EYS: variants seen among roughly 807,000 people sequenced by gnomAD.
EYS encodes EGF-like photoreceptor maintenance factor, also known as protein eyes shut homolog.
EYS carries 250 observed loss-of-function variants against 282.1 expected under a neutral mutation model. That is an observed-to-expected ratio of 0.89 (90% CI 0.80 to 0.98). EYS has a LOEUF of 0.98. EYS is among the 50% of genes least tolerant of loss of function. EYS has a pLI of 0.00. For missense variants in EYS, 4,016 were observed against 3,709.0 expected (o/e 1.08, Z -2.15); for synonymous variants, 1,355 against 1,282.9 (o/e 1.06, Z -1.20).
At chr6:64,257,186 T>A (rs1767430428) in intron 30 of EYS, among the ~76,000 whole-genome samples, 1 of 152,076 alleles carries the variant, frequency 6.6e-6, no homozygotes, top group African/African-American at 2.4e-5. Flanking sequence ...TTTGGACTAA[T>A]GAAACATTTC....
At chr6:63,729,702 AAGGGTAACT>A (rs1156992748) in intron 41 of EYS, among the ~76,000 whole-genome samples, 2 of 152,244 alleles carry the variant, frequency 1.3e-5, no homozygotes, top group South Asian at 4.1e-4. Flanking sequence ...TCCCTCATTG[AAGGGTAACT>A]AGGCTATTTT....
chr6:63,891,762 G>A (rs1773414763), intron 35 of EYS, among the ~76,000 whole-genome samples: 1 of 152,142 alleles, frequency 6.6e-6, no homozygotes. Context: ...ACGAAATAAA[G>A]GGTATTCAAA....
intron 31 of EYS, among the ~76,000 whole-genome samples, chr6:64,168,003 C>T (rs1764349282): frequency 6.6e-6 from 1 of 152,230 alleles, no homozygotes; most frequent in African/African-American, 2.4e-5. Flanking sequence ...TGGCTCACGC[C>T]TGTAATCGCA....
chr6:64,896,991 G>T (rs2150069002), intron 18 of EYS, among the ~76,000 whole-genome samples: 1 of 152,282 alleles, frequency 6.6e-6, no homozygotes, highest in African/African-American at 2.4e-5. Flanking sequence ...ATCTCCCTGG[G>T]ACAGAGCACC....
At chr6:65,365,747 T>C (rs1296086661) in intron 8 of EYS, among the ~76,000 whole-genome samples, 2 of 151,778 alleles carry the variant, frequency 1.3e-5, no homozygotes, top group African/African-American at 2.4e-5. Flanking sequence ...GACAAGTGAC[T>C]AAAGATTTCA....
At chr6:64,414,415 C>A (rs1277766148) in intron 28 of EYS, among the ~76,000 whole-genome samples, 2 of 152,034 alleles carry the variant, frequency 1.3e-5, no homozygotes, top group South Asian at 4.1e-4. Context: ...ACTTTCCAGG[C>A]AGCCTTGATT....
At chr6:63,814,265 T>C (rs1771122514) in intron 36 of EYS, among the ~76,000 whole-genome samples, 1 of 152,208 alleles carries the variant, frequency 6.6e-6, no homozygotes, top group African/African-American at 2.4e-5. Flanking sequence ...TCCGGAGATA[T>C]CGCCAACAGT....
chr6:65,207,871 C>T (rs946954154), intron 12 of EYS, among the ~76,000 whole-genome samples: 1 of 151,634 alleles, frequency 6.6e-6, no homozygotes, highest in African/African-American at 2.4e-5. Flanking sequence ...TACAAATTAA[C>T]TCAAGATGTA....
chr6:65,516,589 AG>A (rs1311825128), intron 2 of EYS, among the ~76,000 whole-genome samples: 2 of 152,084 alleles, frequency 1.3e-5, no homozygotes, highest in Non-Finnish European at 2.9e-5. Flanking sequence ...TAAAGATGTC[AG>A]GGCAAGAGTT....
At chr6:64,115,160 C>A (rs1441227795) in intron 31 of EYS, among the ~76,000 whole-genome samples, 1 of 152,204 alleles carries the variant, frequency 6.6e-6, no homozygotes, top group Non-Finnish European at 1.5e-5. Context: ...GACCCAGGAA[C>A]AGTGGTTGCT....
chr6:63,939,821 T>A (rs923939707), intron 35 of EYS, among the ~76,000 whole-genome samples: 1 of 152,218 alleles, frequency 6.6e-6, no homozygotes, highest in Non-Finnish European at 1.5e-5. Context: ...TTGAAATTTA[T>A]CAAAAGTTAT....
At chr6:64,430,434 G>A (rs1774539641) in intron 28 of EYS, among the ~76,000 whole-genome samples, 1 of 152,112 alleles carries the variant, frequency 6.6e-6, no homozygotes, top group African/African-American at 2.4e-5. Flanking sequence ...TAAGCATTTT[G>A]ATGAAGTTAT....
intron 12 of EYS, among the ~76,000 whole-genome samples, chr6:65,242,152 G>A (rs1044745890): frequency 6.6e-6 from 1 of 151,738 alleles, no homozygotes; most frequent in Non-Finnish European, 1.5e-5. Context: ...TATAATTCAC[G>A]AACTATACAC....
chr6:65,588,704 G>C (rs899364308), intron 2 of EYS, among the ~76,000 whole-genome samples: 22 of 151,966 alleles, frequency 1.4e-4, no homozygotes, highest in African/African-American at 5.3e-4. Flanking sequence ...GCCTTTCAGA[G>C]AGCTACATTG....
At chr6:65,133,962 C>T (rs1775953291) in intron 12 of EYS, among the ~76,000 whole-genome samples, 1 of 151,918 alleles carries the variant, frequency 6.6e-6, no homozygotes, top group South Asian at 2.1e-4. Context: ...AGTTTGAATA[C>T]ACTTTTCAAA....
intron 5 of EYS, among the ~76,000 whole-genome samples, chr6:65,483,990 C>A (rs1243408893): frequency 1.3e-5 from 2 of 152,072 alleles, no homozygotes; most frequent in Non-Finnish European, 2.9e-5. Context: ...CGGCTCCCTC[C>A]CACAACACGT....
chr6:64,175,497 T>G (rs1413884710), intron 31 of EYS, among the ~76,000 whole-genome samples: 1 of 152,190 alleles, frequency 6.6e-6, no homozygotes, highest in Non-Finnish European at 1.5e-5. Flanking sequence ...CGTGAGAGCG[T>G]ACGTAAATTA....
chr6:65,588,613 CT>C (rs1765132805), intron 2 of EYS, among the ~76,000 whole-genome samples: 1 of 151,922 alleles, frequency 6.6e-6, no homozygotes, highest in Non-Finnish European at 1.5e-5. Flanking sequence ...TTAAAAATAC[CT>C]ACTCACAGGA....
chr6:64,732,827 A>G (rs1192200187), intron 22 of EYS, among the ~76,000 whole-genome samples: 1 of 152,188 alleles, frequency 6.6e-6, no homozygotes, highest in African/African-American at 2.4e-5. Context: ...AACACAAATC[A>G]CAACTGCCAA....
Sources: gnomAD v4.1 joint callset for allele counts (sites outside exome capture counted in the v4.1 genomes callset) on GRCh38, gnomAD v4.1.1 for gene constraint, MANE v1.5 for transcripts, NCBI Gene and HGNC (gene_info 2026-07-23, HGNC 2026-07-21) for gene names.